Variants in EFNA5 observed in about 807,000 individuals in gnomAD.
The protein encoded by EFNA5 is ephrin A5, also known as ephrin-A5.
In EFNA5, 5 loss-of-function variants were observed where a neutral mutation model predicts 22.9. That is an observed-to-expected ratio of 0.22 (90% CI 0.11 to 0.46). EFNA5 has a LOEUF of 0.46. Ranked by LOEUF, EFNA5 falls within the 20% of genes least tolerant of loss-of-function variation. The pLI, the probability that EFNA5 is intolerant of heterozygous loss-of-function variation, is 0.99. For missense variants in EFNA5, 237 were observed against 293.3 expected (o/e 0.81, Z 1.40); for synonymous variants, 113 against 112.2 (o/e 1.01, Z -0.04).
chr5:107,425,067 T>A (rs554074285), intron 2 of EFNA5, among the ~76,000 whole-genome samples: 1 of 152,344 alleles, frequency 6.6e-6, no homozygotes, highest in South Asian at 2.1e-4. Flanking sequence ...TTGAAGCATT[T>A]TGGAACAATT....
intron 1 of EFNA5, among the ~76,000 whole-genome samples, chr5:107,502,435 G>A: frequency 6.6e-6 from 1 of 152,156 alleles, no homozygotes; most frequent in Non-Finnish European, 1.5e-5. Flanking sequence ...TGATGCAAAT[G>A]AACCGGCAAT....
At chr5:107,644,498 T>C (rs1435088808) in intron 1 of EFNA5, among the ~76,000 whole-genome samples, 2 of 152,198 alleles carry the variant, frequency 1.3e-5, no homozygotes, top group African/African-American at 2.4e-5. Flanking sequence ...AAATCTCATA[T>C]GTAAATAGAA....
chr5:107,588,743 G>A (rs1749248222), intron 1 of EFNA5, among the ~76,000 whole-genome samples: 1 of 152,204 alleles, frequency 6.6e-6, no homozygotes, highest in Non-Finnish European at 1.5e-5. Flanking sequence ...GGGAAACAAT[G>A]TGTGTAATAG....
intron 1 of EFNA5, among the ~76,000 whole-genome samples, chr5:107,490,158 G>A (rs1346665282): frequency 2.0e-5 from 3 of 152,246 alleles, no homozygotes; most frequent in South Asian, 4.2e-4. Context: ...TAATAAACCC[G>A]CTTTGTATAA....
At chr5:107,569,559 T>TTATTTATATATATATATATA (rs1554067018) in intron 1 of EFNA5, among the ~76,000 whole-genome samples, 1 of 42,530 alleles carries the variant, frequency 2.4e-5, no homozygotes, top group Admixed American at 2.6e-4. Flanking sequence ...ATATATATAT[T>TTATTTATATATATATATATA]TATATATATA....
At chr5:107,590,907 G>A (rs560110464) in intron 1 of EFNA5, among the ~76,000 whole-genome samples, 42 of 152,206 alleles carry the variant, frequency 2.8e-4, no homozygotes, top group Non-Finnish European at 3.2e-4. Flanking sequence ...AATCATAGAC[G>A]CTTGTAACCA....
intron 1 of EFNA5, among the ~76,000 whole-genome samples, chr5:107,597,228 C>T (rs1014929109): frequency 2.0e-5 from 3 of 152,132 alleles, no homozygotes; most frequent in Admixed American, 6.6e-5. Context: ...AATTAGCTAT[C>T]GAAGTGAAAT....
At chr5:107,428,297 C>T (rs572538731) in intron 1 of EFNA5, among the ~76,000 whole-genome samples, 2 of 152,226 alleles carry the variant, frequency 1.3e-5, no homozygotes, top group East Asian at 1.9e-4. Context: ...TCTTTTAATC[C>T]CTCAACAGGT....
intron 1 of EFNA5, among the ~76,000 whole-genome samples, chr5:107,440,670 C>G (rs1014060014): frequency 2.0e-5 from 3 of 152,154 alleles, no homozygotes; most frequent in Non-Finnish European, 4.4e-5. Context: ...AGTTTCACGA[C>G]GTACACATTA....
chr5:107,518,271 G>A (rs1340895291), intron 1 of EFNA5, among the ~76,000 whole-genome samples: 6 of 144,014 alleles, frequency 4.2e-5, no homozygotes, highest in African/African-American at 1.1e-4. Flanking sequence ...AGCCCCACTC[G>A]GAAAAAAAAA....
At chr5:107,657,723 T>C (rs1486271978) in intron 1 of EFNA5, among the ~76,000 whole-genome samples, 1 of 152,152 alleles carries the variant, frequency 6.6e-6, no homozygotes, top group Non-Finnish European at 1.5e-5. Context: ...TACAAACCGT[T>C]TTATCTCTTT....
rs989239570 is a variant in EFNA5 at position 107,664,748 on chromosome 5, C to G, written c.125+5741G>C. ...GTTGTCCTGGGTAAGAGGCAAGGAC[C>G]TTCCTCACTGTGCTTAGGGAAATTG... On this transcript the variant is annotated intron_variant, in intron 1 of 4. Coordinates refer to ENST00000333274, the MANE Select transcript of EFNA5 (RefSeq NM_001962.3). 7.9e-5 allele frequency among the ~76,000 whole-genome samples: 12 copies of G among 152,184 alleles called. 1 individual carries two copies. Among genetic ancestry groups the G allele is most frequent in the Admixed American group, 3.9e-4 (6 of 15,282 alleles).
At chr5:107,418,188 G>A (rs576461054) in intron 2 of EFNA5, among the ~76,000 whole-genome samples, 1 of 152,304 alleles carries the variant, frequency 6.6e-6, no homozygotes, top group Admixed American at 6.5e-5. Flanking sequence ...ACAGAGAATA[G>A]CATGCTGACA....
intron 1 of EFNA5, among the ~76,000 whole-genome samples, chr5:107,538,719 A>G (rs1478922460): frequency 2.0e-5 from 3 of 152,226 alleles, no homozygotes; most frequent in Admixed American, 2.0e-4. Context: ...CAGGCATAGA[A>G]GATTCAAGAA....
intron 1 of EFNA5, among the ~76,000 whole-genome samples, chr5:107,494,438 G>A (rs1746912796): frequency 6.6e-6 from 1 of 152,220 alleles, no homozygotes; most frequent in Non-Finnish European, 1.5e-5. Context: ...CCAGCCCACT[G>A]GCGCTGAGCT....
chr5:107,513,845 G>A (rs77201114), intron 1 of EFNA5, among the ~76,000 whole-genome samples: 2,757 of 152,210 alleles, frequency 0.018, 35 homozygotes, highest in Middle Eastern at 0.061. Context: ...GGATGGATGA[G>A]CAGAGGGGAG....
At chr5:107,583,019 G>C (rs1005695943) in intron 1 of EFNA5, among the ~76,000 whole-genome samples, 1 of 152,120 alleles carries the variant, frequency 6.6e-6, no homozygotes, top group Non-Finnish European at 1.5e-5. Flanking sequence ...GAAACAACAG[G>C]ACATCTTCTA....
At chr5:107,491,275 G>A (rs992072083) in intron 1 of EFNA5, among the ~76,000 whole-genome samples, 2 of 152,132 alleles carry the variant, frequency 1.3e-5, no homozygotes, top group African/African-American at 2.4e-5. Flanking sequence ...CTTAATTCTA[G>A]CATTTTCTCA....
At chr5:107,564,907 G>T (rs1748630918) in intron 1 of EFNA5, among the ~76,000 whole-genome samples, 1 of 152,136 alleles carries the variant, frequency 6.6e-6, no homozygotes, top group African/African-American at 2.4e-5. Flanking sequence ...TTCATTCTTA[G>T]TAATCTTACC....
Sources: gnomAD v4.1 joint callset for allele counts (sites outside exome capture counted in the v4.1 genomes callset) on GRCh38, gnomAD v4.1.1 for gene constraint, MANE v1.5 for transcripts, NCBI Gene and HGNC (gene_info 2026-07-23, HGNC 2026-07-21) for gene names.